Variants in GAK observed in about 807,000 individuals in gnomAD.
GAK encodes cyclin-G-associated kinase.
A neutral mutation model predicts 143.9 loss-of-function variants in GAK; 79 were observed. The ratio of observed to expected loss-of-function variants is 0.55; its 90% CI spans 0.46 to 0.66. The LOEUF (loss-of-function observed/expected upper bound fraction) is 0.66, where lower values mean the gene tolerates loss of function less well. Among genes scored for constraint, GAK ranks in the 30% least tolerant of loss-of-function variants. The pLI is 0.00. For missense variants in GAK, 1,693 were observed against 1,779.7 expected, an observed-to-expected ratio of 0.95 and a Z score of 0.88; for synonymous variants, 881 against 765.5, an observed-to-expected ratio of 1.15 and a Z score of -2.49.
chr4:868,610 G>C lies in GAK; in HGVS notation c.2324C>G (p.Pro775Arg). The C allele has an allele frequency of 1.3e-6, 2 of 1,594,212 alleles. No individual in the cohort carries two copies. Among genetic ancestry groups the C allele is most frequent in the Non-Finnish European group, 1.7e-6 (2 of 1,170,864 alleles). ...GCTTGGCGGTGAGTCAGAGTCTGTG[G>C]GTTCGGCTTCCGGGGACCCTGCCCC... is the stretch of plus-strand genomic sequence containing the variant. ...DAGAGSPEAE[P>R]TDSDSPPSSS... Residue 775 changes from proline (P) to arginine (R), a missense_variant, in exon 20 of 28, where the codon CCC (proline) becomes CGC (arginine). Pro to Arg is a moderately radical substitution (Grantham distance 103). Coordinates refer to ENST00000314167, the MANE Select transcript of GAK (RefSeq NM_005255.4).
chr4:893,996 A>T lies in GAK; in HGVS notation c.755T>A (p.Ile252Asn). 6.2e-7 allele frequency: 1 copy of T among 1,608,814 alleles called. No homozygotes were observed. Among genetic ancestry groups the T allele is most frequent in the Non-Finnish European group, 8.5e-7 (1 of 1,177,818 alleles). The change falls in exon 8 of 28, where the codon ATC (isoleucine) becomes AAC (asparagine). Residue 252 changes from isoleucine (I) to asparagine (N), a missense_variant. Ile to Asn is a moderately radical substitution (Grantham distance 149). Coordinates refer to ENST00000314167, the MANE Select transcript of GAK (RefSeq NM_005255.4). ...CTGCCGGAAGCACAGCAGGTACAAG[A>T]TGCAGCCCAGGGCCTGCGGGGAGAG... ...EKQDIWALGC[I>N]LYLLCFRQHP...
Position 867,257 on chromosome 4 carries a change from C to A in GAK, c.2571G>T (p.Val857=), listed in dbSNP as rs755032947. The A allele has an allele frequency of 6.2e-7, 1 of 1,613,066 alleles. No individual in the cohort carries two copies. Among genetic ancestry groups the A allele is most frequent in the South Asian group, 1.1e-5 (1 of 90,880 alleles). The part of the protein sequence containing the change: ...PEPPGLAAGL[V]QQDLVFEVET... ...CCACCTCAAAAACCAAGTCCTGCTG[C>A]ACCAGCCCTGCTGCCAGGCCGGGGG... The change falls in exon 21 of 28, where the codon GTG becomes GTT. Residue 857 remains valine, a synonymous_variant. Transcript: ENST00000314167.
intron 23 of GAK, among the ~76,000 whole-genome samples, 171 bp downstream of exon 23, chr4:864,951 C>T (rs1032750977): frequency 2.0e-5 from 3 of 152,228 alleles, no homozygotes; most frequent in South Asian, 2.1e-4. Context: ...TGAGTGAGGC[C>T]GCTGCAGTCA....
chr4:863,062 T>C (rs1750578825), intron 23 of GAK, among the ~76,000 whole-genome samples: 1 of 152,240 alleles, frequency 6.6e-6, no homozygotes, highest in Non-Finnish European at 1.5e-5. Context: ...GGATTCACCA[T>C]TCTAGATGCC....
chr4:921,928 T>A (rs563366296), intron 1 of GAK, among the ~76,000 whole-genome samples: 7 of 152,260 alleles, frequency 4.6e-5, no homozygotes, highest in Non-Finnish European at 7.4e-5. Context: ...ACTCCCAAGC[T>A]ATCGGGAAAA....
At chr4:866,856 T>G (rs1288943093) in intron 21 of GAK, 100 bp downstream of exon 21, 2 of 946,534 alleles carry the variant, frequency 2.1e-6, no homozygotes, top group African/African-American at 3.3e-5. Context: ...CACGTTCCCT[T>G]CCTGCAAGCA....
At chr4:861,126 C>T (rs1404239721) in intron 23 of GAK, among the ~76,000 whole-genome samples, 1 of 152,140 alleles carries the variant, frequency 6.6e-6, no homozygotes, top group Non-Finnish European at 1.5e-5. Flanking sequence ...AGCCACTCCC[C>T]GTCTCGCTCC....
chr4:874,467 AAG>A (rs561853940), intron 18 of GAK, among the ~76,000 whole-genome samples: 2 of 152,146 alleles, frequency 1.3e-5, no homozygotes, highest in Non-Finnish European at 2.9e-5. Context: ...TTCATATTTC[AAG>A]GATAATTTCA....
intron 4 of GAK, among the ~76,000 whole-genome samples, chr4:908,905 T>C (rs1313221688): frequency 6.6e-6 from 1 of 152,076 alleles, no homozygotes; most frequent in Non-Finnish European, 1.5e-5. Flanking sequence ...GAGACAAGAG[T>C]CTCGGCTCAC....
At chr4:877,067 G>A (rs867212803) in intron 17 of GAK, 23 bp downstream of exon 17, 29 of 1,534,330 alleles carry the variant, frequency 1.9e-5, no homozygotes, top group East Asian at 1.3e-4. Context: ...GGGGAGCACC[G>A]GGCAAGCCAC....
intron 1 of GAK, among the ~76,000 whole-genome samples, chr4:915,305 G>T (rs971079148): frequency 6.6e-6 from 1 of 152,190 alleles, no homozygotes; most frequent in South Asian, 2.1e-4. Context: ...GAGACAGACA[G>T]GAATAACCTA....
intron 2 of GAK, 123 bp from the exon 3 acceptor site, chr4:912,917 C>T (rs989427608): frequency 3.7e-5 from 25 of 669,138 alleles, no homozygotes; most frequent in South Asian, 1.3e-4. Context: ...CAGCTCCCCC[C>T]GTTTCGTGTG....
chr4:858,038 G>C (rs1466517203), intron 24 of GAK, among the ~76,000 whole-genome samples: 1 of 152,178 alleles, frequency 6.6e-6, no homozygotes, highest in Non-Finnish European at 1.5e-5. Flanking sequence ...TCCCAAGTGT[G>C]AAGATTCTTC....
chr4:878,775 G>A (rs958052456), intron 15 of GAK, among the ~76,000 whole-genome samples: 1 of 152,218 alleles, frequency 6.6e-6, no homozygotes, highest in African/African-American at 2.4e-5. Context: ...GCGTTCCCGT[G>A]GTGCCTCTGT....
intron 18 of GAK, among the ~76,000 whole-genome samples, chr4:874,897 G>A (rs984098037): frequency 2.1e-4 from 32 of 152,070 alleles, no homozygotes; most frequent in African/African-American, 7.5e-4. Context: ...TTTCTTCTCT[G>A]CGCTGCTGTC....
chr4:868,058 G>C lies in GAK; in HGVS notation c.2395+481C>G, dbSNP rs968942646. ...AAGGCCAGGGGTGCTGGGACAGGAA[G>C]TGGCAGGTGCATCCCTTGGGGTGTG... is the stretch of plus-strand genomic sequence containing the variant. On this transcript the variant is annotated intron_variant, in intron 20 of 27. Transcript: ENST00000314167. 5.3e-5 allele frequency among the ~76,000 whole-genome samples: 8 copies of C among 152,360 alleles called. 1 individual carries two copies. The highest frequency in any genetic ancestry group is 6.8e-3 in the Middle Eastern group (2 of 294).
At chr4:850,173 G>A in intron 26 of GAK, 105 bp from the exon 27 acceptor site, 1 of 1,174,338 alleles carries the variant, frequency 8.5e-7, no homozygotes, top group South Asian at 1.6e-5. Context: ...GGTCACGTGG[G>A]GTGGGCTCAG....
At chr4:921,626 G>A (rs1723940582) in intron 1 of GAK, among the ~76,000 whole-genome samples, 1 of 150,208 alleles carries the variant, frequency 6.7e-6, no homozygotes, top group African/African-American at 2.4e-5. Flanking sequence ...TTCGTAAAAG[G>A]AAAAATAAAT....
chr4:851,064 C>G lies in GAK; in HGVS notation c.3529G>C (p.Glu1177Gln). Residue 1177 changes from glutamate to glutamine, a missense_variant, in exon 26 of 28, where the codon GAG (glutamate) becomes CAG (glutamine). This residue lies in a region of GAK where 822 missense variants were observed against 788.7 expected (regional missense o/e 1.04). Coordinates refer to ENST00000314167, the MANE Select transcript of GAK (RefSeq NM_005255.4). ...GACAACAGATCTTCAAAGTCGTTCT[C>G]AGAGACTTTTGGCTTTTGAGCTAGA... ...PSFAQKPKVS[E>Q]NDFEDLLSNQ... The G allele has an allele frequency of 6.2e-7, 1 of 1,613,788 alleles. No individual in the cohort carries two copies.
Sources: allele counts gnomAD v4.1 joint callset (sites outside exome capture counted in the v4.1 genomes callset), GRCh38; gene constraint gnomAD v4.1.1; regional missense constraint gnomAD v4.1.1; transcripts MANE v1.5; gene names NCBI Gene and HGNC (gene_info 2026-07-23, HGNC 2026-07-21).